Variants in CACNB4 observed in about 807,000 individuals in gnomAD.
CACNB4 encodes the protein voltage-dependent L-type calcium channel subunit beta-4.
In CACNB4, 32 loss-of-function variants were observed where a neutral mutation model predicts 71.2. The ratio of observed to expected loss-of-function variants is 0.45; its 90% CI spans 0.34 to 0.60. CACNB4 has a LOEUF of 0.60. Ranked by LOEUF, CACNB4 falls within the 20% of genes least tolerant of loss-of-function variation. The pLI is 0.01. For synonymous variants in CACNB4, 231 were observed against 236.9 expected (o/e 0.97, Z 0.23); for missense variants, 464 against 647.9 (o/e 0.72, Z 3.08).
chr2:152,056,158 C>T (rs1685715791), intron 2 of CACNB4, among the ~76,000 whole-genome samples: 1 of 152,058 alleles, frequency 6.6e-6, no homozygotes, highest in Admixed American at 6.6e-5. Flanking sequence ...GTCAGGAGAT[C>T]AAGACCATCC....
chr2:151,903,817 C>T (rs1048564566), intron 2 of CACNB4, among the ~76,000 whole-genome samples: 2 of 152,252 alleles, frequency 1.3e-5, no homozygotes, highest in African/African-American at 4.8e-5. Flanking sequence ...CCTTGCCCAT[C>T]TGGCAAACTC....
chr2:151,854,175 C>T (rs947541540), intron 11 of CACNB4: 1 of 152,396 alleles, frequency 6.6e-6, no homozygotes, highest in Non-Finnish European at 1.5e-5. Flanking sequence ...CTCTATAATA[C>T]CCCAGGACAT....
At chr2:151,943,902 T>C (rs2099864891) in intron 2 of CACNB4, among the ~76,000 whole-genome samples, 1 of 152,220 alleles carries the variant, frequency 6.6e-6, no homozygotes, top group Admixed American at 6.5e-5. Flanking sequence ...GAAAGAACTT[T>C]CTGACAAAAT....
At chr2:151,963,097 G>C (rs907100943) in intron 2 of CACNB4, among the ~76,000 whole-genome samples, 1 of 152,036 alleles carries the variant, frequency 6.6e-6, no homozygotes, top group Non-Finnish European at 1.5e-5. Context: ...CAGATCACAA[G>C]GTCAGGAGAT....
chr2:151,973,916 T>C, intron 2 of CACNB4: 1 of 1,388,632 alleles, frequency 7.2e-7, no homozygotes, highest in East Asian at 2.6e-5. Flanking sequence ...CCTGGCATTT[T>C]ATCTGCCTTC....
At position 151,870,372 on chromosome 2, in the gene CACNB4, G is replaced by A. The variant is rs2099844299; in HGVS notation, c.699+159C>T. 4.2e-6 allele frequency: 3 copies of A among 711,214 alleles called. No homozygotes were observed. In the East Asian group the frequency reaches 8.0e-5, roughly 19 times the overall value. The allele number at this position is 711,214 out of a possible 1,614,324, so 44.1% of individuals were successfully genotyped here. ...TGCAAGAGAGGAAAGAAAGGGCAGA[G>A]GGCCTCATGAGCCCCACACGGTACC... On this transcript the variant is annotated intron_variant, in intron 8 of 13. Coordinates refer to ENST00000539935, the MANE Select transcript of CACNB4 (RefSeq NM_000726.5).
chr2:151,950,618 T>C (rs1391290807), intron 2 of CACNB4, among the ~76,000 whole-genome samples: 2 of 152,234 alleles, frequency 1.3e-5, no homozygotes, highest in African/African-American at 4.8e-5. Context: ...ATAAATGGAA[T>C]ATTATTCAGT....
chr2:151,977,979 T>C (rs1022867810), intron 2 of CACNB4, among the ~76,000 whole-genome samples: 1 of 152,242 alleles, frequency 6.6e-6, no homozygotes, highest in African/African-American at 2.4e-5. Flanking sequence ...TCTTCTGCTC[T>C]GCAAGTAATA....
chr2:152,011,987 G>A (rs57767420), intron 2 of CACNB4, among the ~76,000 whole-genome samples: 11,503 of 151,872 alleles, frequency 0.076, 455 homozygotes, highest in African/African-American at 0.09. Flanking sequence ...GTATAGCACA[G>A]ATAGTTATGT....
chr2:151,847,574 G>T (rs2099837923), intron 12 of CACNB4, among the ~76,000 whole-genome samples: 3 of 152,108 alleles, frequency 2.0e-5, no homozygotes, highest in Admixed American at 1.3e-4. Context: ...TGGGAAATTA[G>T]ACTCTAAGTT....
At chr2:151,918,118 G>T (rs1200002166) in intron 2 of CACNB4, among the ~76,000 whole-genome samples, 1 of 152,142 alleles carries the variant, frequency 6.6e-6, no homozygotes, top group Admixed American at 6.6e-5. Flanking sequence ...CATATGTACT[G>T]GTTTGTTATC....
chr2:152,027,659 C>CT (rs2105165273), intron 2 of CACNB4, among the ~76,000 whole-genome samples: 1 of 152,214 alleles, frequency 6.6e-6, no homozygotes, highest in East Asian at 1.9e-4. Flanking sequence ...CGAGACCAGC[C>CT]TGACCCACAC....
At chr2:152,007,982 G>A (rs1682827267) in intron 2 of CACNB4, among the ~76,000 whole-genome samples, 1 of 152,006 alleles carries the variant, frequency 6.6e-6, no homozygotes, top group Non-Finnish European at 1.5e-5. Flanking sequence ...ATGTTGGCCA[G>A]GCTGGTCTTG....
chr2:152,043,392 A>T (rs1684976098), intron 2 of CACNB4, among the ~76,000 whole-genome samples: 1 of 152,156 alleles, frequency 6.6e-6, no homozygotes, highest in Admixed American at 6.5e-5. Context: ...GCATGATCAT[A>T]GCTCACTGCC....
intron 2 of CACNB4, among the ~76,000 whole-genome samples, chr2:151,966,881 C>G (rs1322504875): frequency 6.6e-6 from 1 of 151,964 alleles, no homozygotes; most frequent in African/African-American, 2.4e-5. Context: ...TACACATTAA[C>G]TAACTTAATC....
chr2:151,893,954 A>C (rs1335086735), intron 2 of CACNB4, among the ~76,000 whole-genome samples: 1 of 152,220 alleles, frequency 6.6e-6, no homozygotes, highest in Non-Finnish European at 1.5e-5. Context: ...AAAGCAAAAA[A>C]AGAAAACTAC....
chr2:151,936,518 T>A (rs1420301017), intron 2 of CACNB4: 6 of 152,266 alleles, frequency 3.9e-5, no homozygotes, highest in Non-Finnish European at 8.8e-5. Context: ...AAAGGCTGTG[T>A]CATGTTGTGA....
intron 9 of CACNB4, chr2:151,868,162 A>G (rs1559894565): frequency 6.6e-6 from 1 of 152,218 alleles, no homozygotes; most frequent in Non-Finnish European, 1.5e-5. Flanking sequence ...TTCTTAATAT[A>G]CCAATTTATT....
At chr2:151,975,140 A>C (rs2099873553) in intron 2 of CACNB4, among the ~76,000 whole-genome samples, 3 of 152,172 alleles carry the variant, frequency 2.0e-5, no homozygotes, top group Non-Finnish European at 4.4e-5. Flanking sequence ...CAACATAAAC[A>C]CTTACCATTG....
Sources: allele counts gnomAD v4.1 joint callset (sites outside exome capture counted in the v4.1 genomes callset), GRCh38; gene constraint gnomAD v4.1.1; transcripts MANE v1.5; gene names NCBI Gene and HGNC (gene_info 2026-07-23, HGNC 2026-07-21).